GHR: variants seen among roughly 807,000 people sequenced by gnomAD.
The protein encoded by GHR is growth hormone receptor, also known as GH receptor.
A neutral mutation model predicts 67.1 loss-of-function variants in GHR; 35 were observed. The observed-to-expected ratio is 0.52, with a 90% confidence interval of 0.40 to 0.69. The LOEUF (loss-of-function observed/expected upper bound fraction) is 0.69, where lower values mean the gene tolerates loss of function less well. Ranked by LOEUF, GHR falls within the 30% of genes least tolerant of loss-of-function variation. The pLI is 0.00. For missense variants in GHR, 792 were observed against 764.6 expected (o/e 1.04, Z -0.42); for synonymous variants, 272 against 269.1 (o/e 1.01, Z -0.10).
chr5:42,619,129 A>C (rs1296164695), intron 2 of GHR, among the ~76,000 whole-genome samples: 2 of 152,066 alleles, frequency 1.3e-5, no homozygotes, highest in East Asian at 1.9e-4. Flanking sequence ...AAAGGATTGC[A>C]GTGGAAAAGA....
intron 6 of GHR, among the ~76,000 whole-genome samples, chr5:42,701,452 A>T (rs1482385197): frequency 2.6e-5 from 4 of 152,196 alleles, no homozygotes; most frequent in Admixed American, 2.6e-4. Context: ...TTTGTCTTGA[A>T]GAAAAGCGCT....
At chr5:42,696,529 T>TCAGTAACTACTAAGTTCCAA (rs1467930364) in intron 5 of GHR, among the ~76,000 whole-genome samples, 4 of 152,210 alleles carry the variant, frequency 2.6e-5, no homozygotes, top group Non-Finnish European at 5.9e-5. Flanking sequence ...GACTTGCCTT[T>TCAGTAACTACTAAGTTCCAA]CAGTAACTAC....
At chr5:42,444,840 C>A (rs374003756) in intron 1 of GHR, among the ~76,000 whole-genome samples, 1 of 152,142 alleles carries the variant, frequency 6.6e-6, no homozygotes, top group African/African-American at 2.4e-5. Flanking sequence ...TGATCCTTCC[C>A]CTTTCCAGCT....
chr5:42,543,700 A>C lies in GHR; in HGVS notation c.-11-22164A>C, dbSNP rs116211149. On this transcript the variant is annotated intron_variant, in intron 1 of 9. Transcript: ENST00000230882. ...ATAGATCTACCTTTTATTATACTTT[A>C]CTCAGTAATTACTGTGGGCTTTTAA... Among the ~76,000 whole-genome samples the C allele has an allele frequency of 4.6e-3, 694 of 152,244 alleles. 3 individuals are homozygous for C. The highest frequency in any genetic ancestry group is 0.016 in the African/African-American group (672 of 41,564).
intron 2 of GHR, among the ~76,000 whole-genome samples, chr5:42,607,590 A>G (rs1752688843): frequency 6.6e-6 from 1 of 152,212 alleles, no homozygotes; most frequent in African/African-American, 2.4e-5. Context: ...CAGTTGCTAC[A>G]TGTTATGGTG....
chr5:42,441,188 T>C (rs1490717385), intron 1 of GHR, among the ~76,000 whole-genome samples: 1 of 152,110 alleles, frequency 6.6e-6, no homozygotes, highest in Non-Finnish European at 1.5e-5. Flanking sequence ...GTGGAAAAGT[T>C]GACAAGAGTG....
At chr5:42,572,287 C>T (rs979385089) in intron 2 of GHR, among the ~76,000 whole-genome samples, 2 of 152,142 alleles carry the variant, frequency 1.3e-5, no homozygotes, top group Admixed American at 6.5e-5. Context: ...AGCTTGTCAT[C>T]AGGCAGAGTC....
intron 1 of GHR, chr5:42,468,713 C>G (rs1310353754): frequency 5.4e-5 from 53 of 979,664 alleles, no homozygotes; most frequent in Non-Finnish European, 8.1e-5. Context: ...CCTGAGCTGC[C>G]GCTCTTGGCC....
chr5:42,552,144 T>C (rs1749067007), intron 1 of GHR, among the ~76,000 whole-genome samples: 1 of 152,202 alleles, frequency 6.6e-6, no homozygotes, highest in Non-Finnish European at 1.5e-5. Flanking sequence ...AATTATAATT[T>C]CCTGAGTTAT....
chr5:42,695,837 T>C (rs1757647094), intron 5 of GHR, among the ~76,000 whole-genome samples: 1 of 152,256 alleles, frequency 6.6e-6, no homozygotes, highest in Non-Finnish European at 1.5e-5. Flanking sequence ...AGCTCATTTG[T>C]TGCTTATAGG....
At chr5:42,483,035 C>CACACACTTGTGATTCTTGCTGGCAT (rs1745723189) in intron 1 of GHR, among the ~76,000 whole-genome samples, 1 of 152,166 alleles carries the variant, frequency 6.6e-6, no homozygotes, top group South Asian at 2.1e-4. Flanking sequence ...TCCCCCAGAT[C>CACACACTTGTGATTCTTGCTGGCAT]ACACACTTGT....
intron 2 of GHR, among the ~76,000 whole-genome samples, chr5:42,584,535 G>C (rs764713972): frequency 4.6e-5 from 7 of 152,260 alleles, no homozygotes; most frequent in Middle Eastern, 3.4e-3. Context: ...CCGTGTGTGT[G>C]TTTTGTGTAT....
chr5:42,628,231 G>A (rs964355889), intron 2 of GHR, among the ~76,000 whole-genome samples: 1 of 151,988 alleles, frequency 6.6e-6, no homozygotes, highest in Non-Finnish European at 1.5e-5. Context: ...CACGATAGGG[G>A]GTGTTTTGGG....
At chr5:42,487,555 G>T (rs1745935457) in intron 1 of GHR, among the ~76,000 whole-genome samples, 1 of 152,188 alleles carries the variant, frequency 6.6e-6, no homozygotes. Flanking sequence ...TAATGGACCA[G>T]ATTGAGAAAT....
chr5:42,518,416 A>C (rs917083647), intron 1 of GHR, among the ~76,000 whole-genome samples: 1 of 152,170 alleles, frequency 6.6e-6, no homozygotes, highest in Non-Finnish European at 1.5e-5. Flanking sequence ...AGACATATGC[A>C]AAAAGAATGA....
intron 1 of GHR, among the ~76,000 whole-genome samples, chr5:42,505,693 G>A (rs561384344): frequency 6.6e-6 from 1 of 152,196 alleles, no homozygotes; most frequent in East Asian, 1.9e-4. Context: ...TATGTAAAAT[G>A]GGATAATAGT....
intron 3 of GHR, among the ~76,000 whole-genome samples, chr5:42,656,559 G>A (rs575720979): frequency 4.1e-4 from 63 of 152,002 alleles, no homozygotes; most frequent in Non-Finnish European, 8.2e-4. Flanking sequence ...CTGATGGCCA[G>A]AGAAAAAAAT....
At chr5:42,429,219 C>T (rs1443948702) in intron 1 of GHR, among the ~76,000 whole-genome samples, 4 of 152,184 alleles carry the variant, frequency 2.6e-5, no homozygotes, top group African/African-American at 9.7e-5. Flanking sequence ...GACAATAAGG[C>T]ATGTGCGGGG....
At chr5:42,561,552 G>T (rs1434194455) in intron 1 of GHR, among the ~76,000 whole-genome samples, 1 of 152,038 alleles carries the variant, frequency 6.6e-6, no homozygotes, top group Admixed American at 6.6e-5. Flanking sequence ...GTATATCATG[G>T]GCCTAATTAT....
Sources: allele counts gnomAD v4.1 joint callset (sites outside exome capture counted in the v4.1 genomes callset), GRCh38; gene constraint gnomAD v4.1.1; transcripts MANE v1.5; gene names NCBI Gene and HGNC (gene_info 2026-07-23, HGNC 2026-07-21).